Variants in CSMD1 observed in about 807,000 individuals in gnomAD.
CSMD1 encodes the protein CUB and sushi domain-containing protein 1.
CSMD1 carries 213 observed loss-of-function variants against 417.5 expected under a neutral mutation model. That is an observed-to-expected ratio of 0.51 (90% confidence interval 0.46 to 0.57). CSMD1 has a LOEUF of 0.57. Ranked by LOEUF, CSMD1 falls within the 20% of genes least tolerant of loss-of-function variation. The probability of loss-of-function intolerance (pLI) is 0.00; values close to 1 mark genes in which losing one functional copy is unlikely to be tolerated. For missense variants in CSMD1, 6,923 were observed against 4,529.7 expected, an observed-to-expected ratio of 1.53 and a Z score of -15.17; for synonymous variants, 2,862 against 1,736.8, an observed-to-expected ratio of 1.65 and a Z score of -16.11.
At chr8:4,532,900 A>G (rs1436494457) in intron 2 of CSMD1, among the ~76,000 whole-genome samples, 1 of 149,350 alleles carries the variant, frequency 6.7e-6, no homozygotes, top group Non-Finnish European at 1.5e-5. Context: ...ACCCCCATTC[A>G]GAGTCACTCC....
chr8:4,220,855 G>A (rs1397098581), intron 3 of CSMD1, among the ~76,000 whole-genome samples: 1 of 152,188 alleles, frequency 6.6e-6, no homozygotes, highest in Non-Finnish European at 1.5e-5. Context: ...AGGAAAAGTA[G>A]CTTGGGGTAA....
chr8:3,348,224 T>A, intron 21 of CSMD1, 63 bp from the exon 22 acceptor site: 1 of 1,270,216 alleles, frequency 7.9e-7, no homozygotes, highest in Non-Finnish European at 1.1e-6. Context: ...TTTAACAGAT[T>A]AAAAACTTTA....
chr8:4,484,267 G>C (rs1331805674), intron 2 of CSMD1, among the ~76,000 whole-genome samples: 1 of 151,834 alleles, frequency 6.6e-6, no homozygotes, highest in Non-Finnish European at 1.5e-5. Flanking sequence ...TTTCTTCTAG[G>C]AACAAGGTTT....
intron 5 of CSMD1, among the ~76,000 whole-genome samples, chr8:3,985,789 C>A (rs1468911612): frequency 1.3e-5 from 2 of 150,626 alleles, no homozygotes; most frequent in African/African-American, 2.4e-5. Flanking sequence ...GGAGTCTCAC[C>A]CTGTCGCCCA....
chr8:4,304,948 T>G (rs1798165069), intron 3 of CSMD1, among the ~76,000 whole-genome samples: 2 of 152,114 alleles, frequency 1.3e-5, no homozygotes, highest in African/African-American at 4.8e-5. Context: ...TTTATCAGGC[T>G]GTGGTATTTG....
chr8:4,387,570 CAAAAA>C (rs540419006), intron 3 of CSMD1, among the ~76,000 whole-genome samples: 23 of 37,224 alleles, frequency 6.2e-4, no homozygotes, highest in Non-Finnish European at 6.4e-4. Context: ...TCCAAACTGG[CAAAAA>C]AAAAAAAAAA....
At chr8:4,469,357 C>G (rs1008864626) in intron 2 of CSMD1, among the ~76,000 whole-genome samples, 1 of 152,140 alleles carries the variant, frequency 6.6e-6, no homozygotes, top group Non-Finnish European at 1.5e-5. Flanking sequence ...TTACCTTGTC[C>G]ACGTGAACCA....
chr8:4,532,471 A>T (rs1373998783), intron 2 of CSMD1, among the ~76,000 whole-genome samples: 2 of 143,682 alleles, frequency 1.4e-5, no homozygotes, highest in Non-Finnish European at 3.0e-5. Flanking sequence ...CTGCACCCCC[A>T]TTCACAGTCA....
intron 52 of CSMD1, among the ~76,000 whole-genome samples, chr8:3,013,001 T>C (rs576630672): frequency 3.2e-4 from 49 of 152,320 alleles, no homozygotes; most frequent in South Asian, 8.3e-4. Flanking sequence ...CCTGTCACCA[T>C]GTAAGATGTG....
chr8:3,557,783 CA>C (rs1799220048), intron 10 of CSMD1, among the ~76,000 whole-genome samples: 1 of 152,148 alleles, frequency 6.6e-6, no homozygotes, highest in Non-Finnish European at 1.5e-5. Context: ...TTGCCTAGGA[CA>C]GATAGAGTCT....
rs1457401690 is a variant in CSMD1 at position 3,890,171 on chromosome 8, A to T, written c.818+107732T>A. On this transcript the variant is annotated intron_variant, in intron 5 of 69. Transcript: ENST00000635120. ...CTAGTGCTTCTTTTGTAGCATTTTG[A>T]TAACTAAAGTATCATATTCCCTAAG... 3.3e-5 allele frequency among the ~76,000 whole-genome samples: 5 copies of T among 152,186 alleles called. No individual in the cohort carries two copies. In the East Asian group the frequency reaches 9.6e-4, roughly 29 times the overall value.
At chr8:3,442,438 T>C (rs1585171349) in intron 12 of CSMD1, among the ~76,000 whole-genome samples, 1 of 152,290 alleles carries the variant, frequency 6.6e-6, no homozygotes, top group Non-Finnish European at 1.5e-5. Flanking sequence ...GATGTCCCAC[T>C]TTTTTATCTC....
rs141665521 is a variant in CSMD1, at chr8:4,309,812, G to A, written c.415+110141C>T. 3.6e-4 allele frequency among the ~76,000 whole-genome samples: 54 copies of A among 151,848 alleles called. 2 individuals are homozygous for A. The East Asian group carries it at 0.01, about 29-fold the overall frequency. The stretch of plus-strand genomic sequence containing the variant: ...ACCTCACCTCCATATAGGTCCCTTC[G>A]CCCTTACTTCATTTTAAATATAGCT... On this transcript the variant is annotated intron_variant, in intron 3 of 69. Coordinates refer to ENST00000635120, the MANE Select transcript of CSMD1 (RefSeq NM_033225.6).
intron 3 of CSMD1, among the ~76,000 whole-genome samples, chr8:4,200,882 A>T (rs185836578): frequency 6.6e-6 from 1 of 152,094 alleles, no homozygotes; most frequent in Admixed American, 6.5e-5. Context: ...AATAATAATA[A>T]CACATCTTTA....
intron 2 of CSMD1, among the ~76,000 whole-genome samples, chr8:4,616,008 A>G (rs997749537): frequency 2.0e-5 from 3 of 152,196 alleles, no homozygotes; most frequent in African/African-American, 7.2e-5. Flanking sequence ...TCGGTTAGAT[A>G]ATTCTCAAAG....
intron 41 of CSMD1, among the ~76,000 whole-genome samples, chr8:3,132,076 C>G (rs905910657): frequency 6.6e-6 from 1 of 152,126 alleles, no homozygotes; most frequent in Non-Finnish European, 1.5e-5. Flanking sequence ...AGGGTTCACA[C>G]GTGGCCTCCA....
At chr8:3,234,720 A>C (rs1353365243) in intron 26 of CSMD1, among the ~76,000 whole-genome samples, 1 of 152,224 alleles carries the variant, frequency 6.6e-6, no homozygotes, top group African/African-American at 2.4e-5. Context: ...GAAAGTCACG[A>C]AGGTCTCACC....
intron 50 of CSMD1, among the ~76,000 whole-genome samples, chr8:3,047,507 T>A (rs1811537418): frequency 6.6e-6 from 1 of 152,140 alleles, no homozygotes; most frequent in South Asian, 2.1e-4. Flanking sequence ...CAGTGAGGGG[T>A]TGCGAGTACA....
intron 2 of CSMD1, among the ~76,000 whole-genome samples, chr8:4,485,454 T>A (rs1439349166): frequency 1.3e-5 from 2 of 152,174 alleles, no homozygotes; most frequent in African/African-American, 4.8e-5. Context: ...ATTCACAAGT[T>A]CCTTCAAATA....
Sources: allele counts gnomAD v4.1 joint callset (sites outside exome capture counted in the v4.1 genomes callset), GRCh38; gene constraint gnomAD v4.1.1; transcripts MANE v1.5; gene names NCBI Gene and HGNC (gene_info 2026-07-23, HGNC 2026-07-21).